MINDY3: variants seen among roughly 807,000 people sequenced by gnomAD.
The protein encoded by MINDY3 is MINDY lysine 48 deubiquitinase 3, also known as ubiquitin carboxyl-terminal hydrolase MINDY-3.
A neutral mutation model predicts 69.2 loss-of-function variants in MINDY3; 38 were observed. That is an observed-to-expected ratio of 0.55 (90% confidence interval 0.42 to 0.72). The LOEUF (loss-of-function observed/expected upper bound fraction) is 0.72, where lower values mean the gene tolerates loss of function less well. Ranked by LOEUF, MINDY3 falls within the 30% of genes least tolerant of loss-of-function variation. The pLI, the probability that MINDY3 is intolerant of heterozygous loss-of-function variation, is 0.00. For missense variants in MINDY3, 522 were observed against 519.0 expected, an observed-to-expected ratio of 1.01 and a Z score of -0.06; for synonymous variants, 192 against 180.1, an observed-to-expected ratio of 1.07 and a Z score of -0.53.
At chr10:15,846,871 C>T (rs1277849086) in intron 2 of MINDY3, among the ~76,000 whole-genome samples, 1 of 151,888 alleles carries the variant, frequency 6.6e-6, no homozygotes, top group East Asian at 1.9e-4. Context: ...CTACAGGTGC[C>T]CACCACCACG....
rs762486275 is a variant in MINDY3, at chr10:15,778,359, G to A, written c.*633C>T. 1 of 152,156 alleles carries A rather than the reference G, an allele frequency of 6.6e-6. No individual in the cohort carries two copies. The highest frequency in any genetic ancestry group is 1.5e-5 in the Non-Finnish European group (1 of 68,022). 9.4% of individuals were successfully genotyped at this position (152,156 alleles called of 1,614,324 possible). A position where few individuals can be genotyped will look rare whatever the true frequency, so the allele number is the denominator to read the frequency against. On this transcript the variant is annotated 3_prime_UTR_variant, in exon 15 of 15. Coordinates refer to ENST00000277632, the MANE Select transcript of MINDY3 (RefSeq NM_024948.4). ...GGCAATTACACAGTAAAAGTTAACAGTGTTGACTATCAGATTCTCTTTTCT... is the reference window on the plus strand; with the variant it reads ...GGCAATTACACAGTAAAAGTTAACAATGTTGACTATCAGATTCTCTTTTCT...
At chr10:15,794,267 A>C (rs1450803141) in intron 11 of MINDY3, among the ~76,000 whole-genome samples, 1 of 152,126 alleles carries the variant, frequency 6.6e-6, no homozygotes, top group Non-Finnish European at 1.5e-5. Flanking sequence ...CTGAGAACGC[A>C]TGATTTGCTT....
chr10:15,797,203 G>T (rs756546154), intron 10 of MINDY3, among the ~76,000 whole-genome samples: 6 of 152,000 alleles, frequency 3.9e-5, no homozygotes, highest in Non-Finnish European at 8.8e-5. Context: ...ATGAGGACTC[G>T]ATTCCTGAAA....
At chr10:15,837,729 G>A in intron 5 of MINDY3, 1 of 1,052,122 alleles carries the variant, frequency 9.5e-7, no homozygotes, top group Non-Finnish European at 1.2e-6. Context: ...TTACACATTT[G>A]CGGCTTCTTT....
At chr10:15,795,775 G>C (rs914407452) in intron 11 of MINDY3, among the ~76,000 whole-genome samples, 1 of 151,860 alleles carries the variant, frequency 6.6e-6, no homozygotes, top group Non-Finnish European at 1.5e-5. Flanking sequence ...TTTAATATTC[G>C]TTTGGATAAG....
At chr10:15,802,026 A>ATTCT (rs1380722153) in intron 10 of MINDY3, among the ~76,000 whole-genome samples, 1 of 150,362 alleles carries the variant, frequency 6.7e-6, no homozygotes, top group African/African-American at 2.5e-5. Context: ...ATTTTAACAT[A>ATTCT]TTCTTTTCTC....
At chr10:15,827,081 C>T (rs1840131010) in intron 8 of MINDY3, among the ~76,000 whole-genome samples, 1 of 148,514 alleles carries the variant, frequency 6.7e-6, no homozygotes, top group South Asian at 2.1e-4. Flanking sequence ...TGCACTACTG[C>T]ACTATGGCCT....
intron 4 of MINDY3, among the ~76,000 whole-genome samples, chr10:15,840,543 T>C (rs1833399645): frequency 6.6e-6 from 1 of 151,682 alleles, no homozygotes; most frequent in Non-Finnish European, 1.5e-5. Context: ...AAGCAAAATG[T>C]GTATCCCATA....
Position 15,789,272 on chromosome 10 carries a change from A to C in MINDY3, c.1003T>G (p.Leu335Val), listed in dbSNP as rs769273661. ...TATTCAGGATCTGAAACAAGGTCCA[A>C]TGCTTTCATCACATCTTCCAGAAGT... ...DSLLEDVMKA[L>V]DLVSDPEYIN... Residue 335 changes from leucine to valine, a missense_variant, in exon 12 of 15, where the codon TTG (leucine) becomes GTG (valine). Leu to Val is a conservative substitution (Grantham distance 32). Transcript: ENST00000277632. 6.8e-6 allele frequency: 11 copies of C among 1,611,660 alleles called. No homozygotes were observed. The highest frequency in any genetic ancestry group is 9.3e-6 in the Non-Finnish European group (11 of 1,178,612).
intron 10 of MINDY3, among the ~76,000 whole-genome samples, chr10:15,806,352 TAAG>T (rs1838638741): frequency 6.6e-6 from 1 of 152,110 alleles, no homozygotes; most frequent in Admixed American, 6.6e-5. Context: ...AATTAATGCT[TAAG>T]AAGATTACTG....
intron 13 of MINDY3, among the ~76,000 whole-genome samples, chr10:15,785,901 G>T (rs1172799433): frequency 1.3e-5 from 2 of 152,072 alleles, no homozygotes; most frequent in African/African-American, 4.8e-5. Flanking sequence ...AAACTATACT[G>T]ATATCTGATA....
At chr10:15,848,307 T>C (rs909297903) in intron 1 of MINDY3, among the ~76,000 whole-genome samples, 6 of 152,162 alleles carry the variant, frequency 3.9e-5, no homozygotes, top group African/African-American at 1.4e-4. Context: ...ATTCTATCAT[T>C]TCAAACTTTC....
chr10:15,859,359 T>C (rs904615778), intron 1 of MINDY3, among the ~76,000 whole-genome samples: 1 of 152,190 alleles, frequency 6.6e-6, no homozygotes, highest in African/African-American at 2.4e-5. Context: ...TTGATCCTTC[T>C]GACTCAAGGT....
At chr10:15,854,562 A>G (rs1456652904) in intron 1 of MINDY3, among the ~76,000 whole-genome samples, 1 of 152,146 alleles carries the variant, frequency 6.6e-6, no homozygotes, top group African/African-American at 2.4e-5. Context: ...AGTAAATTTT[A>G]GAAGGCTTTT....
chr10:15,859,718 A>G (rs1834954874), intron 1 of MINDY3, among the ~76,000 whole-genome samples: 2 of 152,244 alleles, frequency 1.3e-5, no homozygotes, highest in Admixed American at 1.3e-4. Context: ...TACCACGCCT[A>G]ACCACATAAT....
chr10:15,818,998 T>C (rs1839567388), intron 9 of MINDY3, among the ~76,000 whole-genome samples: 1 of 152,214 alleles, frequency 6.6e-6, no homozygotes, highest in Admixed American at 6.5e-5. Flanking sequence ...GTTATAAATC[T>C]ATCTTTTTTA....
At chr10:15,802,104 C>A (rs891868195) in intron 10 of MINDY3, among the ~76,000 whole-genome samples, 1 of 151,482 alleles carries the variant, frequency 6.6e-6, no homozygotes. Context: ...CTGTTGGTTA[C>A]GGTAAGGCTT....
chr10:15,830,082 G>T (rs1840354084), intron 8 of MINDY3, among the ~76,000 whole-genome samples: 1 of 152,138 alleles, frequency 6.6e-6, no homozygotes, highest in Non-Finnish European at 1.5e-5. Flanking sequence ...TAACTAGCAG[G>T]TTTTCAAATA....
chr10:15,841,620 A>C (rs773138619), intron 3 of MINDY3, 21 bp from the exon 4 acceptor site: 1 of 1,565,804 alleles, frequency 6.4e-7, no homozygotes, highest in Non-Finnish European at 8.7e-7. Flanking sequence ...CCAAAGCATA[A>C]GTTATAATGG....
Sources: allele counts gnomAD v4.1 joint callset (sites outside exome capture counted in the v4.1 genomes callset), GRCh38; gene constraint gnomAD v4.1.1; transcripts MANE v1.5; gene names NCBI Gene and HGNC (gene_info 2026-07-23, HGNC 2026-07-21).